POLA1: variants seen among roughly 807,000 people sequenced by gnomAD.
POLA1 encodes the protein DNA polymerase alpha catalytic subunit.
A neutral mutation model predicts 124.0 loss-of-function variants in POLA1; 15 were observed. The ratio of observed to expected loss-of-function variants is 0.12; its 90% CI spans 0.08 to 0.19. POLA1 has a LOEUF of 0.19. Ranked by LOEUF, POLA1 falls within the 10% of genes least tolerant of loss-of-function variation. POLA1 has a pLI of 1.00. For synonymous variants in POLA1, 408 were observed against 389.4 expected, an observed-to-expected ratio of 1.05 and a Z score of -0.56; for missense variants, 886 against 1,103.4, an observed-to-expected ratio of 0.80 and a Z score of 2.79.
intron 29 of POLA1, among the ~76,000 whole-genome samples, chrX:24,814,497 A>T (rs1055178749): frequency 8.9e-6 from 1 of 112,130 alleles, no homozygotes; most frequent in African/African-American, 3.2e-5. Flanking sequence ...AAAAAAATTT[A>T]TGTAAAGGAC....
intron 22 of POLA1, among the ~76,000 whole-genome samples, chrX:24,742,712 A>G (rs766247726): frequency 8.9e-6 from 1 of 111,935 alleles, no homozygotes; most frequent in East Asian, 2.8e-4. Flanking sequence ...CATTTAGAGG[A>G]CTTTAACTTC....
chrX:24,724,201 T>C, intron 11 of POLA1, 134 bp from the exon 12 acceptor site: 1 of 403,059 alleles, frequency 2.5e-6, no homozygotes, highest in Non-Finnish European at 4.3e-6. Context: ...TTTGAACTTA[T>C]CTGTAAGACT....
chrX:24,729,474 T>C (rs1307090562), intron 15 of POLA1, among the ~76,000 whole-genome samples: 2 of 112,241 alleles, frequency 1.8e-5, no homozygotes, highest in African/African-American at 3.2e-5. Flanking sequence ...AAAATGGTGA[T>C]TTTTTAAAAA....
intron 35 of POLA1, among the ~76,000 whole-genome samples, chrX:24,901,560 A>G (rs2047278496): frequency 9.0e-6 from 1 of 111,551 alleles, no homozygotes. Flanking sequence ...ATGGGGAGCT[A>G]TTCAGGAATT....
chrX:24,948,769 G>A (rs1339469416), intron 36 of POLA1, among the ~76,000 whole-genome samples: 1 of 111,814 alleles, frequency 8.9e-6, no homozygotes, highest in Non-Finnish European at 1.9e-5. Flanking sequence ...TTTGCTTTCT[G>A]ACATTAAGCT....
chrX:24,720,420 G>T (rs116528627), intron 10 of POLA1, among the ~76,000 whole-genome samples: 103 of 112,266 alleles, frequency 9.2e-4, no homozygotes, highest in African/African-American at 3.2e-3. Flanking sequence ...CACATAGTAC[G>T]TGTTTAATAA....
At chrX:24,711,215 C>T (rs1929403610) in intron 4 of POLA1, among the ~76,000 whole-genome samples, 1 of 112,006 alleles carries the variant, frequency 8.9e-6, no homozygotes, top group Non-Finnish European at 1.9e-5. Context: ...AACTCCTGGG[C>T]TCAAGCAGTC....
intron 32 of POLA1, among the ~76,000 whole-genome samples, chrX:24,831,218 G>C (rs1216047634): frequency 9.0e-6 from 1 of 110,974 alleles, no homozygotes; most frequent in Non-Finnish European, 1.9e-5. Flanking sequence ...GCGATGTTTG[G>C]GGGTGCTTTT....
At chrX:24,840,097 T>C (rs2046391236) in intron 32 of POLA1, among the ~76,000 whole-genome samples, 1 of 112,572 alleles carries the variant, frequency 8.9e-6, no homozygotes, top group Admixed American at 9.4e-5. Flanking sequence ...ATGTCACTAA[T>C]GAAGAACAGC....
At chrX:24,828,114 C>T (rs962505046) in intron 32 of POLA1, among the ~76,000 whole-genome samples, 2 of 112,597 alleles carry the variant, frequency 1.8e-5, no homozygotes, top group African/African-American at 6.5e-5. Flanking sequence ...ATGTATTCTC[C>T]AAGATGAGTT....
rs761447107 is a variant in POLA1, at chrX:24,917,076, G to A, written c.4165-13377G>A. On this transcript the variant is annotated intron_variant, in intron 35 of 36. Transcript: ENST00000379068. ...CCCAGCACTTTGGGAGGCTGAGGCG[G>A]GTGGATCACTTGCGAGACCAGCCTG... is the stretch of plus-strand genomic sequence containing the variant. Among the ~76,000 whole-genome samples, 9 of 111,625 alleles carry A rather than the reference G, an allele frequency of 8.1e-5. No homozygotes were observed. The South Asian group carries it at 3.4e-3, about 43-fold the overall frequency.
At chrX:24,865,093 CCT>C (rs1235270723) in intron 34 of POLA1, among the ~76,000 whole-genome samples, 1 of 111,558 alleles carries the variant, frequency 9.0e-6, no homozygotes, top group Non-Finnish European at 1.9e-5. Context: ...TAAGTTTGGG[CCT>C]CTCTGATTTA....
chrX:24,789,068 A>G (rs751374682), intron 26 of POLA1: 1 of 1,206,492 alleles, frequency 8.3e-7, no homozygotes, highest in East Asian at 3.0e-5. Flanking sequence ...TCTGAAACCC[A>G]TGGTGTCGGC....
chrX:24,930,839 TAC>T (rs747473976), intron 36 of POLA1, among the ~76,000 whole-genome samples: 2 of 112,691 alleles, frequency 1.8e-5, no homozygotes, highest in Admixed American at 1.9e-4. Flanking sequence ...TGCTATTTTC[TAC>T]AGAGTTTAGT....
intron 36 of POLA1, among the ~76,000 whole-genome samples, chrX:24,956,735 T>C (rs1601907770): frequency 1.8e-5 from 2 of 112,318 alleles, no homozygotes; most frequent in South Asian, 7.4e-4. Flanking sequence ...TTGGCAATCA[T>C]TCATTCTCTT....
At chrX:24,814,921 A>G in intron 29 of POLA1, 58 bp from the exon 30 acceptor site, 1 of 1,053,158 alleles carries the variant, frequency 9.5e-7, no homozygotes, top group Non-Finnish European at 1.3e-6. Context: ...CTTTACTAGT[A>G]AAATATATTA....
chrX:24,809,299 T>C (rs2045858925), intron 26 of POLA1, among the ~76,000 whole-genome samples: 1 of 111,802 alleles, frequency 8.9e-6, no homozygotes, highest in African/African-American at 3.3e-5. Flanking sequence ...ATCCACGTTG[T>C]AACCTAAATA....
chrX:24,899,566 A>G (rs2047248880), intron 35 of POLA1, among the ~76,000 whole-genome samples: 1 of 111,825 alleles, frequency 8.9e-6, no homozygotes, highest in South Asian at 3.8e-4. Context: ...AAAAAAAGAA[A>G]TAGATGTCAC....
chrX:24,994,774 G>A (rs1038108566), intron 36 of POLA1, among the ~76,000 whole-genome samples: 70 of 109,698 alleles, frequency 6.4e-4, no homozygotes, highest in Non-Finnish European at 1.2e-3. Flanking sequence ...GGGGGGGCGC[G>A]GGGAAAGCAG....
Sources: allele counts gnomAD v4.1 joint callset (sites outside exome capture counted in the v4.1 genomes callset), GRCh38; gene constraint gnomAD v4.1.1; transcripts MANE v1.5; gene names NCBI Gene and HGNC (gene_info 2026-07-23, HGNC 2026-07-21).